Variants in ERBB4 observed in about 807,000 individuals in gnomAD.
ERBB4 encodes the protein erb-b2 receptor tyrosine kinase 4.
In ERBB4, 42 loss-of-function variants were observed where a neutral mutation model predicts 158.0. The observed-to-expected ratio is 0.27, with a 90% confidence interval of 0.21 to 0.34. The LOEUF (loss-of-function observed/expected upper bound fraction) is 0.34, where lower values mean the gene tolerates loss of function less well. Among genes scored for constraint, ERBB4 ranks in the 10% least tolerant of loss-of-function variants. The pLI is 1.00. For synonymous variants in ERBB4, 583 were observed against 558.7 expected, an observed-to-expected ratio of 1.04 and a Z score of -0.61; for missense variants, 1,333 against 1,624.1, an observed-to-expected ratio of 0.82 and a Z score of 3.08.
At chr2:211,603,749 G>A (rs1176920483) in intron 19 of ERBB4, among the ~76,000 whole-genome samples, 1 of 152,130 alleles carries the variant, frequency 6.6e-6, no homozygotes, top group Non-Finnish European at 1.5e-5. Context: ...CCCAAAAGAG[G>A]CCAATGAGAA....
intron 2 of ERBB4, among the ~76,000 whole-genome samples, chr2:212,010,820 G>C (rs1055141848): frequency 6.6e-6 from 1 of 152,094 alleles, no homozygotes; most frequent in Admixed American, 6.5e-5. Flanking sequence ...CAGAGGGGCC[G>C]TTTATAGACC....
At chr2:212,030,390 C>T (rs1421978004) in intron 2 of ERBB4, among the ~76,000 whole-genome samples, 2 of 152,202 alleles carry the variant, frequency 1.3e-5, no homozygotes, top group Middle Eastern at 3.4e-3. Flanking sequence ...ATATAAAGTT[C>T]CTCACTCTCT....
At chr2:211,634,367 CTATTA>C (rs1318085606) in intron 16 of ERBB4, among the ~76,000 whole-genome samples, 2 of 151,892 alleles carry the variant, frequency 1.3e-5, no homozygotes, top group South Asian at 4.2e-4. Context: ...CATTTGATTA[CTATTA>C]TGTTTCTTAC....
chr2:211,774,564 G>A (rs959223081), intron 4 of ERBB4, among the ~76,000 whole-genome samples: 1 of 152,134 alleles, frequency 6.6e-6, no homozygotes, highest in African/African-American at 2.4e-5. Context: ...AGTCATACAA[G>A]TCCCTATTTA....
intron 3 of ERBB4, among the ~76,000 whole-genome samples, chr2:211,846,437 T>G (rs541450819): frequency 6.6e-6 from 1 of 152,260 alleles, no homozygotes; most frequent in Non-Finnish European, 1.5e-5. Context: ...AGCAATATTT[T>G]TCCACTCTGT....
chr2:211,589,008 C>T (rs972209911), intron 19 of ERBB4, among the ~76,000 whole-genome samples: 2 of 151,998 alleles, frequency 1.3e-5, no homozygotes, highest in Admixed American at 1.3e-4. Context: ...GTGGAAAATA[C>T]AAGAAGAAAA....
chr2:211,865,360 TTTAA>T (rs1485237327), intron 3 of ERBB4, among the ~76,000 whole-genome samples: 2 of 152,200 alleles, frequency 1.3e-5, no homozygotes, highest in Non-Finnish European at 2.9e-5. Flanking sequence ...TTGGCATCTC[TTTAA>T]TTACCTCCCA....
At chr2:211,753,763 T>TA (rs1406918316) in intron 4 of ERBB4, among the ~76,000 whole-genome samples, 1 of 148,326 alleles carries the variant, frequency 6.7e-6, no homozygotes, top group African/African-American at 2.5e-5. Flanking sequence ...TATATATATA[T>TA]TATACATATA....
intron 1 of ERBB4, among the ~76,000 whole-genome samples, chr2:212,323,298 C>G (rs2087656651): frequency 6.6e-6 from 1 of 150,574 alleles, no homozygotes; most frequent in African/African-American, 2.4e-5. Flanking sequence ...ATCATCCTAT[C>G]TAAGCTCAGT....
chr2:211,769,492 A>C (rs1249704212), intron 4 of ERBB4, among the ~76,000 whole-genome samples: 1 of 152,228 alleles, frequency 6.6e-6, no homozygotes, highest in East Asian at 1.9e-4. Context: ...CAGAACTAAA[A>C]GGATATATAG....
chr2:212,125,202 C>G, intron 1 of ERBB4: 1 of 231,202 alleles, frequency 4.3e-6, no homozygotes, highest in East Asian at 8.3e-5. Context: ...AATACATTTA[C>G]TTTTATTTAA....
At chr2:211,513,718 C>G (rs1303937127) in intron 20 of ERBB4, among the ~76,000 whole-genome samples, 2 of 152,076 alleles carry the variant, frequency 1.3e-5, no homozygotes, top group African/African-American at 4.8e-5. Context: ...CAGGCGCCCC[C>G]AACCCCTGTC....
At chr2:211,809,840 T>C (rs56104940) in intron 3 of ERBB4, among the ~76,000 whole-genome samples, 17,294 of 152,274 alleles carry the variant, frequency 0.11, 1,190 homozygotes, top group East Asian at 0.24. Flanking sequence ...GCTATAAATT[T>C]TCCTCTACAC....
chr2:212,062,760 A>T (rs929180815), intron 2 of ERBB4, among the ~76,000 whole-genome samples: 1 of 152,142 alleles, frequency 6.6e-6, no homozygotes, highest in African/African-American at 2.4e-5. Context: ...TTGAGCTGTT[A>T]GTTTAATTTT....
intron 20 of ERBB4, among the ~76,000 whole-genome samples, chr2:211,538,141 T>C (rs1448545359): frequency 6.6e-6 from 1 of 151,872 alleles, no homozygotes; most frequent in African/African-American, 2.4e-5. Flanking sequence ...TGAAACATAA[T>C]CAGATCATAG....
chr2:211,961,600 C>A (rs890580483), intron 2 of ERBB4, among the ~76,000 whole-genome samples: 1 of 152,150 alleles, frequency 6.6e-6, no homozygotes, highest in African/African-American at 2.4e-5. Context: ...TTGACAACAA[C>A]AAGATATTAC....
intron 20 of ERBB4, among the ~76,000 whole-genome samples, chr2:211,533,626 G>A (rs924493118): frequency 4.6e-5 from 7 of 151,912 alleles, no homozygotes; most frequent in Non-Finnish European, 7.4e-5. Flanking sequence ...TTTAAATATG[G>A]AACAGACAAC....
At chr2:212,395,379 G>A (rs978358339) in intron 1 of ERBB4, among the ~76,000 whole-genome samples, 1 of 151,668 alleles carries the variant, frequency 6.6e-6, no homozygotes, top group Non-Finnish European at 1.5e-5. Context: ...GAGCTTATAA[G>A]CATTGATTAT....
intron 1 of ERBB4, among the ~76,000 whole-genome samples, chr2:212,383,783 A>G (rs2090586669): frequency 6.6e-6 from 1 of 151,674 alleles, no homozygotes; most frequent in African/African-American, 2.4e-5. Flanking sequence ...AAGTACCTTT[A>G]GTTATCTGTG....
Sources: allele counts gnomAD v4.1 joint callset (sites outside exome capture counted in the v4.1 genomes callset), GRCh38; gene constraint gnomAD v4.1.1; transcripts MANE v1.5; gene names NCBI Gene and HGNC (gene_info 2026-07-23, HGNC 2026-07-21).